WWOX: variants seen among roughly 807,000 people sequenced by gnomAD.
WWOX encodes the protein WW domain containing oxidoreductase.
WWOX carries 69 observed loss-of-function variants against 46.2 expected under a neutral mutation model. That is an observed-to-expected ratio of 1.49 (90% CI 1.23 to 1.82). The LOEUF is 1.82. Among genes scored for constraint, WWOX ranks in the 40% most tolerant of loss-of-function variants. The probability of loss-of-function intolerance (pLI) is 0.00; values close to 1 mark genes in which losing one functional copy is unlikely to be tolerated. For missense variants in WWOX, 919 were observed against 542.6 expected, an observed-to-expected ratio of 1.69 and a Z score of -6.89; for synonymous variants, 359 against 202.6, an observed-to-expected ratio of 1.77 and a Z score of -6.56.
intron 5 of WWOX, among the ~76,000 whole-genome samples, chr16:78,329,542 G>A (rs896730105): frequency 6.6e-6 from 1 of 152,140 alleles, no homozygotes; most frequent in Non-Finnish European, 1.5e-5. Context: ...TGGCCTATGA[G>A]GCCAAGTTGC....
chr16:78,154,567 A>G (rs1378062579), intron 4 of WWOX, among the ~76,000 whole-genome samples: 1 of 133,664 alleles, frequency 7.5e-6, no homozygotes, highest in African/African-American at 2.9e-5. Context: ...CTTCCAGTAA[A>G]GTTCTTGGCC....
At chr16:78,868,937 G>T (rs965595708) in intron 8 of WWOX, among the ~76,000 whole-genome samples, 1 of 151,962 alleles carries the variant, frequency 6.6e-6, no homozygotes, top group Admixed American at 6.6e-5. Flanking sequence ...ACACCTGCGT[G>T]CAAACGTCCA....
chr16:78,597,809 C>G (rs950697889), intron 8 of WWOX, among the ~76,000 whole-genome samples: 1 of 150,272 alleles, frequency 6.7e-6, no homozygotes, highest in Admixed American at 6.6e-5. Flanking sequence ...ATACTGAATG[C>G]TAAGCCCTCC....
chr16:78,346,864 C>T (rs984695523), intron 5 of WWOX, among the ~76,000 whole-genome samples: 1 of 118,478 alleles, frequency 8.4e-6, no homozygotes, highest in African/African-American at 2.9e-5. Flanking sequence ...GCTACCATGC[C>T]TGGCTAATTT....
At chr16:78,574,680 A>C (rs577923128) in intron 8 of WWOX, among the ~76,000 whole-genome samples, 1 of 151,906 alleles carries the variant, frequency 6.6e-6, no homozygotes, top group East Asian at 2.0e-4. Flanking sequence ...CATTATGTTA[A>C]GTCAAATAAG....
chr16:78,196,258 A>G (rs1422357729), intron 5 of WWOX, among the ~76,000 whole-genome samples: 58 of 152,370 alleles, frequency 3.8e-4, no homozygotes, highest in Non-Finnish European at 1.5e-5. Flanking sequence ...TGAAGAAGGT[A>G]AGCCTAGCTT....
At chr16:78,730,925 CTTTG>C (rs993177975) in intron 8 of WWOX, among the ~76,000 whole-genome samples, 9 of 152,190 alleles carry the variant, frequency 5.9e-5, no homozygotes, top group African/African-American at 1.9e-4. Context: ...ATTCAGATCA[CTTTG>C]TTTGTTCCCC....
intron 8 of WWOX, among the ~76,000 whole-genome samples, chr16:79,076,131 G>A (rs933307839): frequency 2.0e-5 from 3 of 152,256 alleles, no homozygotes; most frequent in African/African-American, 7.2e-5. Context: ...ACCAGCCTAC[G>A]CTGAGTATTA....
chr16:78,846,952 A>T (rs1473799449), intron 8 of WWOX, among the ~76,000 whole-genome samples: 1 of 152,230 alleles, frequency 6.6e-6, no homozygotes, highest in Non-Finnish European at 1.5e-5. Context: ...AGGTCATAAT[A>T]CGACAGTATT....
chr16:78,931,083 T>C (rs1027656614), intron 8 of WWOX, among the ~76,000 whole-genome samples: 3 of 152,192 alleles, frequency 2.0e-5, no homozygotes, highest in Admixed American at 2.0e-4. Flanking sequence ...GATGAGCATA[T>C]GGTAAATAAG....
At chr16:78,961,183 T>G (rs1481838033) in intron 8 of WWOX, among the ~76,000 whole-genome samples, 1 of 152,184 alleles carries the variant, frequency 6.6e-6, no homozygotes, top group African/African-American at 2.4e-5. Flanking sequence ...GGGTCCTTTA[T>G]GCAGGGATGG....
intron 8 of WWOX, among the ~76,000 whole-genome samples, chr16:78,989,411 C>T (rs537361114): frequency 7.9e-5 from 12 of 152,202 alleles, no homozygotes; most frequent in Non-Finnish European, 1.5e-4. Context: ...CCTGCAGAAT[C>T]TTAACAGCAC....
chr16:78,842,141 C>T (rs999069405), intron 8 of WWOX, among the ~76,000 whole-genome samples: 4 of 151,952 alleles, frequency 2.6e-5, no homozygotes, highest in African/African-American at 9.7e-5. Context: ...TTAAAGTAAT[C>T]CAGGAGGAGT....
chr16:78,518,867 A>G (rs191890287), intron 8 of WWOX, among the ~76,000 whole-genome samples: 1,639 of 152,190 alleles, frequency 0.011, 26 homozygotes, highest in Middle Eastern at 0.044. Flanking sequence ...TCAGCCCTTA[A>G]CCTGCGACAT....
At chr16:79,053,156 G>A (rs2550677) in intron 8 of WWOX, among the ~76,000 whole-genome samples, 85,488 of 152,012 alleles carry the variant, frequency 0.56, 24,636 homozygotes, top group African/African-American at 0.67. Flanking sequence ...CTTTTAGGAA[G>A]AAACAACTGG....
At chr16:78,865,433 C>G (rs1185399822) in intron 8 of WWOX, among the ~76,000 whole-genome samples, 1 of 152,190 alleles carries the variant, frequency 6.6e-6, no homozygotes, top group Non-Finnish European at 1.5e-5. Flanking sequence ...TGATTCACAT[C>G]ATGGCTCCTT....
intron 8 of WWOX, among the ~76,000 whole-genome samples, chr16:79,125,670 C>T (rs1740211653): frequency 1.3e-5 from 2 of 152,160 alleles, no homozygotes; most frequent in African/African-American, 4.8e-5. Flanking sequence ...ACCCCAACCC[C>T]CAGGCCATGG....
intron 8 of WWOX, among the ~76,000 whole-genome samples, chr16:78,601,546 G>T (rs187117827): frequency 1.3e-5 from 2 of 152,090 alleles, no homozygotes; most frequent in African/African-American, 4.8e-5. Context: ...CAAATTGTAA[G>T]GTCTTTTTAT....
chr16:78,911,559 A>G (rs942204661), intron 8 of WWOX, among the ~76,000 whole-genome samples: 61 of 152,008 alleles, frequency 4.0e-4, no homozygotes, highest in African/African-American at 1.4e-4. Flanking sequence ...AATTCTCCCC[A>G]GTGGCAATGT....
Sources: gnomAD v4.1 joint callset for allele counts (sites outside exome capture counted in the v4.1 genomes callset) on GRCh38, gnomAD v4.1.1 for gene constraint, MANE v1.5 for transcripts, NCBI Gene and HGNC (gene_info 2026-07-23, HGNC 2026-07-21) for gene names.